Variants in C3orf22 observed in about 807,000 individuals in gnomAD.
C3orf22 encodes the protein uncharacterized protein C3orf22.
In C3orf22, 7 loss-of-function variants were observed where a neutral mutation model predicts 10.8. That is an observed-to-expected ratio of 0.65 (90% CI 0.37 to 1.22). The LOEUF is 1.22. Ranked by LOEUF, C3orf22 falls within the 50% of genes most tolerant of loss-of-function variation. The probability of loss-of-function intolerance (pLI) is 0.02; values close to 1 mark genes in which losing one functional copy is unlikely to be tolerated. For synonymous variants in C3orf22, 79 were observed against 78.9 expected (o/e 1.00, Z 0.00); for missense variants, 173 against 177.0 (o/e 0.98, Z 0.13).
chr3:126,553,108 C>A (rs142262210), intron 2 of C3orf22, among the ~76,000 whole-genome samples, 194 bp downstream of exon 2: 1 of 152,188 alleles, frequency 6.6e-6, no homozygotes, highest in South Asian at 2.1e-4. Context: ...CACCCAGAGG[C>A]CCCTCGGCTT....
chr3:126,539,389 T>C (rs1460121928), intron 4 of C3orf22, among the ~76,000 whole-genome samples: 1 of 152,022 alleles, frequency 6.6e-6, no homozygotes, highest in East Asian at 1.9e-4. Context: ...TGGGATAGTT[T>C]GAAAGGCATC....
At chr3:126,550,694 T>C (rs1026529510) in intron 3 of C3orf22, among the ~76,000 whole-genome samples, 3 of 152,164 alleles carry the variant, frequency 2.0e-5, no homozygotes, top group Non-Finnish European at 4.4e-5. Context: ...GCCGTAGAGA[T>C]GTGGAAACCC....
intron 2 of C3orf22, among the ~76,000 whole-genome samples, chr3:126,552,396 G>C (rs1937212896): frequency 6.6e-6 from 1 of 152,226 alleles, no homozygotes; most frequent in African/African-American, 2.4e-5. Flanking sequence ...AAACGGTGCA[G>C]AGCACTTGAG....
intron 1 of C3orf22, among the ~76,000 whole-genome samples, chr3:126,557,830 A>G (rs1316725921): frequency 6.6e-6 from 1 of 152,092 alleles, no homozygotes; most frequent in Non-Finnish European, 1.5e-5. Context: ...TGACTTGCCC[A>G]CTAGTCTAGT....
chr3:126,557,098 ACT>A (rs1455724732), intron 1 of C3orf22, among the ~76,000 whole-genome samples: 1 of 151,992 alleles, frequency 6.6e-6, no homozygotes, highest in African/African-American at 2.4e-5. Flanking sequence ...ACAGATTCAC[ACT>A]CACACACAGA....
intron 4 of C3orf22, chr3:126,543,194 C>G (rs1937009972): frequency 1.3e-5 from 2 of 152,272 alleles, no homozygotes; most frequent in African/African-American, 4.8e-5. Flanking sequence ...GGCTCCATGC[C>G]AACAGAGCCC....
intron 3 of C3orf22, among the ~76,000 whole-genome samples, chr3:126,550,699 A>T (rs1459852252): frequency 6.6e-6 from 1 of 152,154 alleles, no homozygotes; most frequent in Non-Finnish European, 1.5e-5. Context: ...AGAGATGTGG[A>T]AACCCACCAA....
At position 126,536,392 on chromosome 3, in the gene C3orf22, C is replaced by T. The variant is rs1246274179; in HGVS notation, c.287-7020G>A. 5 of 1,523,158 alleles carry T rather than the reference C, an allele frequency of 3.3e-6. No homozygotes were observed. In the Admixed American group the frequency reaches 5.1e-5, roughly 15 times the overall value. The allele number at this position is 1,523,158 out of a possible 1,614,324, so 94.4% of individuals were successfully genotyped here. ...CCCTCGACCCAGGCATGCCCCCCTCCATCCCAGCCAGGAGCCTGACAGCAA... is the reference window on the plus strand; with the variant it reads ...CCCTCGACCCAGGCATGCCCCCCTCTATCCCAGCCAGGAGCCTGACAGCAA... On this transcript the variant is annotated intron_variant and NMD_transcript_variant, in intron 4 of 5. Transcript: ENST00000505070.
rs1358550630 is a variant in C3orf22, at chr3:126,544,169, C to T, written c.286+5368G>A. Among the ~76,000 whole-genome samples the T allele has an allele frequency of 1.2e-4, 19 of 152,122 alleles. No individual in the cohort carries two copies. The South Asian group carries it at 3.9e-3, about 32-fold the overall frequency. On this transcript the variant is annotated intron_variant and NMD_transcript_variant, in intron 4 of 5. Coordinates refer to the C3orf22 transcript ENST00000505070. ...GATGGGTTGATGGATTAATGAGTCA[C>T]CATGGGAGTGGGACCGGTGGCTTTA...
At chr3:126,545,247 A>T (rs1937047868), downstream of C3orf22, among the ~76,000 whole-genome samples, 1 of 152,212 alleles carries the variant, frequency 6.6e-6, no homozygotes, top group Non-Finnish European at 1.5e-5. Flanking sequence ...CGGCATTTTA[A>T]CTTCCTTGAA....
At chr3:126,549,526 C>A (rs754778837), downstream of C3orf22, 1 of 676,324 alleles carries the variant, frequency 1.5e-6, no homozygotes, top group South Asian at 1.5e-5. Context: ...GAGTGAACAG[C>A]ATTTACTTAC....
chr3:126,534,453 T>C (rs1476470153), intron 4 of C3orf22, among the ~76,000 whole-genome samples: 1 of 152,014 alleles, frequency 6.6e-6, no homozygotes. Flanking sequence ...ACAGCATCCC[T>C]GTCCCCACCC....
chr3:126,538,489 G>T (rs1240000170), intron 4 of C3orf22, among the ~76,000 whole-genome samples: 1 of 152,248 alleles, frequency 6.6e-6, no homozygotes, highest in African/African-American at 2.4e-5. Context: ...CAGTGCTTCA[G>T]CAACGACACA....
chr3:126,529,495 C>G (rs1396706807), intron 4 of C3orf22: 8 of 870,806 alleles, frequency 9.2e-6, no homozygotes, highest in Non-Finnish European at 1.1e-5. Context: ...GTTTCTGGCA[C>G]AGCAAGGAAG....
At chr3:126,539,422 T>G (rs1936873996) in intron 4 of C3orf22, among the ~76,000 whole-genome samples, 1 of 151,824 alleles carries the variant, frequency 6.6e-6, no homozygotes, top group Non-Finnish European at 1.5e-5. Context: ...TGCACATGTG[T>G]GCAGGAGCGT....
At chr3:126,545,411 G>C (rs1244446982), downstream of C3orf22, among the ~76,000 whole-genome samples, 1 of 152,228 alleles carries the variant, frequency 6.6e-6, no homozygotes, top group Non-Finnish European at 1.5e-5. Flanking sequence ...TCATTGTCAG[G>C]AAAATGTTAA....
At chr3:126,531,259 T>G (rs550151791) in intron 4 of C3orf22, among the ~76,000 whole-genome samples, 1 of 152,328 alleles carries the variant, frequency 6.6e-6, no homozygotes, top group South Asian at 2.1e-4. Context: ...TTCTTGAGTT[T>G]AATGGGCCCC....
chr3:126,529,113 A>T (rs1335730851), intron 5 of C3orf22: 1 of 394,544 alleles, frequency 2.5e-6, no homozygotes, highest in Non-Finnish European at 5.1e-6. Flanking sequence ...ATCCCCCTAC[A>T]TGATGGCTGT....
Position 126,550,039 on chromosome 3 carries a change from G to A in C3orf22, c.255C>T (p.Cys85=), listed in dbSNP as rs745932961. The part of the protein sequence containing the change: ...APDFTSPSGS[C]PAPLPAPSPP... ...GTGATGGTGCTGGTAGTGGTGCCGG[G>A]CAGGAGCCAGACGGTGATGTAAAAT... is the stretch of plus-strand genomic sequence containing the variant. Residue 85 remains cysteine (C), a synonymous_variant, in exon 4 of 4, where the codon TGC becomes TGT. Transcript: ENST00000318225. The A allele has an allele frequency of 6.2e-7, 1 of 1,613,956 alleles. No individual in the cohort carries two copies. The highest frequency in any genetic ancestry group is 1.1e-5 in the South Asian group (1 of 91,078).
Sources: gnomAD v4.1 joint callset for allele counts (sites outside exome capture counted in the v4.1 genomes callset) on GRCh38, gnomAD v4.1.1 for gene constraint, MANE v1.5 for transcripts, NCBI Gene and HGNC (gene_info 2026-07-23, HGNC 2026-07-21) for gene names.